Variants in PCDHAC1 observed in about 807,000 individuals in gnomAD.
PCDHAC1 encodes the protein protocadherin alpha subfamily C, 1.
PCDHAC1 carries 42 observed loss-of-function variants against 60.0 expected under a neutral mutation model. That is an observed-to-expected ratio of 0.70 (90% CI 0.55 to 0.90). The LOEUF is 0.90. Among genes scored for constraint, PCDHAC1 ranks in the 40% least tolerant of loss-of-function variants. The pLI is 0.00. For missense variants in PCDHAC1, 1,160 were observed against 1,222.3 expected (o/e 0.95, Z 0.76); for synonymous variants, 468 against 499.3 (o/e 0.94, Z 0.84).
intron 1 of PCDHAC1, among the ~76,000 whole-genome samples, chr5:140,940,207 G>C (rs1554213216): frequency 2.6e-5 from 4 of 152,094 alleles, no homozygotes; most frequent in Non-Finnish European, 5.9e-5. Context: ...TAAAATTCAA[G>C]ATTGGCATTT....
intron 1 of PCDHAC1, among the ~76,000 whole-genome samples, chr5:140,938,097 A>AT (rs775272450): frequency 6.6e-6 from 1 of 151,930 alleles, no homozygotes; most frequent in Non-Finnish European, 1.5e-5. Flanking sequence ...TTATTATTGT[A>AT]TTTTTTACTT....
chr5:140,939,034 A>T (rs1367274051), intron 1 of PCDHAC1, among the ~76,000 whole-genome samples: 1 of 152,216 alleles, frequency 6.6e-6, no homozygotes, highest in Non-Finnish European at 1.5e-5. Context: ...TATTCGGAAG[A>T]GTTGTCTTAG....
chr5:140,968,918 A>G, intron 1 of PCDHAC1: 1 of 1,614,164 alleles, frequency 6.2e-7, no homozygotes, highest in Non-Finnish European at 8.5e-7. Context: ...AGTGTCTTTT[A>G]TATTTCTTTT....
At chr5:141,006,644 T>C (rs1411431797) in intron 3 of PCDHAC1, among the ~76,000 whole-genome samples, 3 of 152,084 alleles carry the variant, frequency 2.0e-5, no homozygotes, top group African/African-American at 7.2e-5. Context: ...ATATAAGAGA[T>C]GATGGTGTCC....
At chr5:140,975,056 A>G (rs1006106436) in intron 1 of PCDHAC1, among the ~76,000 whole-genome samples, 3 of 152,154 alleles carry the variant, frequency 2.0e-5, no homozygotes, top group Non-Finnish European at 4.4e-5. Flanking sequence ...AGAATCTACT[A>G]TCGAGCTCAT....
chr5:140,937,069 G>A (rs1385358225), intron 1 of PCDHAC1, among the ~76,000 whole-genome samples: 3 of 138,378 alleles, frequency 2.2e-5, no homozygotes, highest in South Asian at 2.2e-4. Context: ...ACGGAGTCTC[G>A]CTCTGTCGCC....
At chr5:140,941,202 C>CTTTCTTT (rs1554213921) in intron 1 of PCDHAC1, among the ~76,000 whole-genome samples, 7,232 of 122,704 alleles carry the variant, frequency 0.059, 419 homozygotes, top group East Asian at 0.13. Flanking sequence ...TTTCTTTCTT[C>CTTTCTTT]CTTTCTTTCT....
chr5:140,981,626 T>A (rs1199717691), intron 2 of PCDHAC1, among the ~76,000 whole-genome samples: 1 of 152,176 alleles, frequency 6.6e-6, no homozygotes, highest in Middle Eastern at 3.2e-3. Flanking sequence ...GAGGGTTTTC[T>A]TGGACATTTT....
chr5:140,933,694 C>T (rs782754431), intron 1 of PCDHAC1, among the ~76,000 whole-genome samples: 8 of 151,858 alleles, frequency 5.3e-5, no homozygotes, highest in South Asian at 4.1e-4. Flanking sequence ...TCCTATTCCT[C>T]GGACACATTT....
intron 3 of PCDHAC1, among the ~76,000 whole-genome samples, chr5:141,001,134 T>A (rs370176335): frequency 4.7e-4 from 72 of 152,158 alleles, no homozygotes; most frequent in African/African-American, 1.7e-3. Context: ...AACAAATGAA[T>A]CTTCTGTTGC....
chr5:140,955,889 G>A (rs246016), intron 1 of PCDHAC1, among the ~76,000 whole-genome samples: 85,633 of 151,918 alleles, frequency 0.56, 24,754 homozygotes, highest in African/African-American at 0.69. Flanking sequence ...ATTCCTAGGT[G>A]TTTTATTCTC....
At chr5:140,968,749 G>A in intron 1 of PCDHAC1, 1 of 1,614,150 alleles carries the variant, frequency 6.2e-7, no homozygotes, top group Non-Finnish European at 8.5e-7. Context: ...TGACCGTGGT[G>A]GTCCGAGATA....
At chr5:140,947,734 C>T (rs2094167568) in intron 1 of PCDHAC1, among the ~76,000 whole-genome samples, 1 of 151,286 alleles carries the variant, frequency 6.6e-6, no homozygotes, top group African/African-American at 2.4e-5. Flanking sequence ...TTTTGTAATA[C>T]CTATTCTTAT....
At chr5:140,938,055 T>C (rs1475337267) in intron 1 of PCDHAC1, among the ~76,000 whole-genome samples, 1 of 152,232 alleles carries the variant, frequency 6.6e-6, no homozygotes, top group African/African-American at 2.4e-5. Flanking sequence ...TTTCTACATA[T>C]ACTGTCATGC....
At chr5:140,986,019 G>A (rs562523452) in intron 3 of PCDHAC1, among the ~76,000 whole-genome samples, 66 of 152,154 alleles carry the variant, frequency 4.3e-4, no homozygotes, top group Middle Eastern at 3.4e-3. Flanking sequence ...GATTACAGGC[G>A]TGAGCCACTG....
At chr5:141,004,602 G>A (rs1345777080) in intron 3 of PCDHAC1, among the ~76,000 whole-genome samples, 18 of 152,298 alleles carry the variant, frequency 1.2e-4, no homozygotes, top group African/African-American at 4.1e-4. Flanking sequence ...CAGTGCTTAG[G>A]CCTCATGCAG....
At chr5:140,983,865 GC>G (rs2097073239) in intron 3 of PCDHAC1, among the ~76,000 whole-genome samples, 1 of 152,120 alleles carries the variant, frequency 6.6e-6, no homozygotes, top group Admixed American at 6.5e-5. Context: ...GCAGCTAAGG[GC>G]CCATTTTTAC....
Position 140,928,383 on chromosome 5 carries a change from G to T in PCDHAC1, c.1491G>T (p.Leu497Phe), listed in dbSNP as rs1474490422. 4 of 1,613,920 alleles carry T rather than the reference G, an allele frequency of 2.5e-6. No homozygotes were observed. The highest frequency in any genetic ancestry group is 1.1e-5 in the South Asian group (1 of 91,086). ...CTGAAGGGCCATCAGCCTCTAGCTT[G>T]CTGGCAGTGGAATCATCCAGTGGGG... is the stretch of plus-strand genomic sequence containing the variant. Reference protein sequence around the residue: ...VISEGPSASSLLAVESSSGAI... With the variant: ...VISEGPSASSFLAVESSSGAI... Residue 497 changes from leucine (L) to phenylalanine (F), a missense_variant, in exon 1 of 4, where the codon TTG becomes TTT. Around this residue, in one of 3 missense-constraint regions of PCDHAC1, gnomAD observed 1,113 missense variants for 1,163.7 expected, o/e 0.96. Coordinates refer to ENST00000253807, the MANE Select transcript of PCDHAC1 (RefSeq NM_018898.5).
At chr5:140,968,653 C>T (rs1301566656) in intron 1 of PCDHAC1, 1 of 1,614,150 alleles carries the variant, frequency 6.2e-7, no homozygotes, top group Non-Finnish European at 8.5e-7. Flanking sequence ...AGACTTCTGA[C>T]CTGGACCTCT....
Sources: gnomAD v4.1 joint callset for allele counts (sites outside exome capture counted in the v4.1 genomes callset) on GRCh38, gnomAD v4.1.1 for gene constraint, gnomAD v4.1.1 regional missense constraint, MANE v1.5 for transcripts, NCBI Gene and HGNC (gene_info 2026-07-23, HGNC 2026-07-21) for gene names.